Variants in TANK observed in about 807,000 individuals in gnomAD.
TANK encodes the protein TRAF family member associated NFKB activator.
A neutral mutation model predicts 43.6 loss-of-function variants in TANK; 15 were observed. The observed-to-expected ratio is 0.34, with a 90% CI of 0.23 to 0.53. The LOEUF (loss-of-function observed/expected upper bound fraction) is 0.53. Among genes scored for constraint, TANK ranks in the 20% least tolerant of loss-of-function variants. The probability of loss-of-function intolerance (pLI) is 0.94; values close to 1 mark genes in which losing one functional copy is unlikely to be tolerated. For synonymous variants in TANK, 162 were observed against 178.2 expected (o/e 0.91, Z 0.73); for missense variants, 417 against 498.6 (o/e 0.84, Z 1.56).
At chr2:161,207,384 T>G (rs1334307044) in intron 4 of TANK, 36 of 972,180 alleles carry the variant, frequency 3.7e-5, no homozygotes, top group Non-Finnish European at 4.0e-5. Flanking sequence ...TAGCCACATT[T>G]TTATACTTTG....
intron 7 of TANK, chr2:161,232,849 A>C (rs1471156470): frequency 6.5e-7 from 1 of 1,549,970 alleles, no homozygotes. Context: ...TTCAGCTTAA[A>C]AAATTCAGGA....
At chr2:161,161,191 T>A in intron 1 of TANK, 1 of 1,492,764 alleles carries the variant, frequency 6.7e-7, no homozygotes, top group Non-Finnish European at 8.9e-7. Context: ...AGGGGGAGGA[T>A]AATCAAAGAA....
chr2:161,214,940 G>T (rs1687053442), intron 4 of TANK, among the ~76,000 whole-genome samples: 1 of 152,188 alleles, frequency 6.6e-6, no homozygotes, highest in African/African-American at 2.4e-5. Flanking sequence ...TGAGCTTGGG[G>T]AACCCACCAT....
At chr2:161,150,259 T>A (rs1411505255) in intron 1 of TANK, among the ~76,000 whole-genome samples, 1 of 152,218 alleles carries the variant, frequency 6.6e-6, no homozygotes, top group Non-Finnish European at 1.5e-5. Context: ...AATTGGTTGA[T>A]CTACAACTGT....
chr2:161,180,597 A>T (rs995596702), intron 2 of TANK, among the ~76,000 whole-genome samples: 3 of 152,164 alleles, frequency 2.0e-5, no homozygotes, highest in African/African-American at 7.2e-5. Flanking sequence ...TGAAATGATG[A>T]TGATAGGATT....
At chr2:161,229,118 C>G (rs1687780375) in intron 6 of TANK, among the ~76,000 whole-genome samples, 1 of 152,070 alleles carries the variant, frequency 6.6e-6, no homozygotes, top group Non-Finnish European at 1.5e-5. Flanking sequence ...ATGTCCAAGC[C>G]AAGATATGAA....
At chr2:161,156,297 C>T, upstream of TANK, 1 of 985,374 alleles carries the variant, frequency 1.0e-6, no homozygotes, top group African/African-American at 1.7e-5. Context: ...TTGATTATGT[C>T]CAAATTATAT....
chr2:161,166,558 A>G (rs1558968931), intron 1 of TANK, among the ~76,000 whole-genome samples: 1 of 152,096 alleles, frequency 6.6e-6, no homozygotes, highest in African/African-American at 2.4e-5. Flanking sequence ...TTGTTGACTG[A>G]TTTTTTTGCT....
intron 4 of TANK, chr2:161,216,256 A>G: frequency 3.6e-6 from 1 of 278,766 alleles, no homozygotes; most frequent in South Asian, 3.2e-5. Flanking sequence ...ACTTGTCTGT[A>G]TTCTCTAGAA....
At chr2:161,139,688 C>T (rs1337357247) in intron 1 of TANK, 1 of 985,320 alleles carries the variant, frequency 1.0e-6, no homozygotes, top group Non-Finnish European at 1.2e-6. Context: ...CATGCTTAGA[C>T]ACCTCTTCTC....
intron 1 of TANK, among the ~76,000 whole-genome samples, chr2:161,144,175 A>G (rs994141150): frequency 6.6e-5 from 10 of 151,908 alleles, no homozygotes; most frequent in African/African-American, 2.4e-4. Context: ...TATCATTTTT[A>G]TTGTGTCTAT....
At chr2:161,203,334 G>A in intron 2 of TANK, 153 bp from the exon 3 acceptor site, 2 of 555,122 alleles carry the variant, frequency 3.6e-6, no homozygotes, top group African/African-American at 1.9e-5. Context: ...ACAATTACAA[G>A]TACATTCCTG....
intron 1 of TANK, among the ~76,000 whole-genome samples, chr2:161,177,833 AAG>A (rs1301592998): frequency 6.6e-6 from 1 of 152,096 alleles, no homozygotes; most frequent in Admixed American, 6.6e-5. Flanking sequence ...TAACAATAAA[AAG>A]AGAAATAACC....
intron 2 of TANK, among the ~76,000 whole-genome samples, chr2:161,194,728 C>T (rs145062008): frequency 0.017 from 2,560 of 152,252 alleles, 38 homozygotes; most frequent in Middle Eastern, 0.031. Flanking sequence ...GCTTGTAAAA[C>T]ATATTTTAAA....
intron 1 of TANK, among the ~76,000 whole-genome samples, chr2:161,166,737 G>A (rs1382454500): frequency 1.3e-5 from 2 of 151,966 alleles, no homozygotes; most frequent in Admixed American, 1.3e-4. Context: ...AGTGGGCTAT[G>A]ATTGCACCGC....
At position 161,230,963 on chromosome 2, in the gene TANK, C is replaced by G. The variant is rs776320952; in HGVS notation, c.521-8C>G. 5 of 1,607,874 alleles carry G rather than the reference C, an allele frequency of 3.1e-6. No individual in the cohort carries two copies. The highest frequency in any genetic ancestry group is 4.3e-6 in the Non-Finnish European group (5 of 1,174,740). On this transcript the variant is annotated splice_polypyrimidine_tract_variant and splice_region_variant and intron_variant, in intron 6 of 7. Coordinates refer to ENST00000392749, the MANE Select transcript of TANK (RefSeq NM_001199135.3). ...GGCTGTTTCTCTTTTGTGTTCTTCT[C>G]CCTCCAGAAACACAGTGCTCTGTGC...
At chr2:161,137,268 A>G in intron 1 of TANK, 3 of 984,142 alleles carry the variant, frequency 3.0e-6, no homozygotes, top group Non-Finnish European at 3.6e-6. Context: ...TCATGCCTAT[A>G]ATCCTAGCAC....
chr2:161,172,329 C>A (rs939546021), intron 1 of TANK, among the ~76,000 whole-genome samples: 2 of 116,812 alleles, frequency 1.7e-5, no homozygotes, highest in African/African-American at 6.5e-5. Flanking sequence ...CTATTGTTTT[C>A]TTTTCAAAAA....
At chr2:161,234,865 T>C (rs1247627823) in intron 7 of TANK, among the ~76,000 whole-genome samples, 1 of 152,232 alleles carries the variant, frequency 6.6e-6, no homozygotes, top group Non-Finnish European at 1.5e-5. Context: ...ATGTATTCAC[T>C]GTATTTGCTT....
Sources: gnomAD v4.1 joint callset for allele counts (sites outside exome capture counted in the v4.1 genomes callset) on GRCh38, gnomAD v4.1.1 for gene constraint, MANE v1.5 for transcripts, NCBI Gene and HGNC (gene_info 2026-07-23, HGNC 2026-07-21) for gene names.